Variants in CEMIP observed in about 807,000 individuals in gnomAD.
The protein encoded by CEMIP is cell migration-inducing and hyaluronan-binding protein.
A neutral mutation model predicts 156.9 loss-of-function variants in CEMIP; 105 were observed. That is an observed-to-expected ratio of 0.67 (90% CI 0.57 to 0.79). CEMIP has a LOEUF of 0.79. Ranked by LOEUF, CEMIP falls within the 30% of genes least tolerant of loss-of-function variation. The probability of loss-of-function intolerance (pLI) is 0.00; values close to 1 mark genes in which losing one functional copy is unlikely to be tolerated. For synonymous variants in CEMIP, 676 were observed against 668.4 expected (o/e 1.01, Z -0.17); for missense variants, 1,457 against 1,769.4 (o/e 0.82, Z 3.17).
In CEMIP at chr15:80,936,716, A is replaced by T; in HGVS notation, c.3052A>T (p.Ile1018Phe). 1.2e-6 allele frequency: 2 copies of T among 1,614,206 alleles called. No homozygotes were observed. The highest frequency in any genetic ancestry group is 1.7e-6 in the Non-Finnish European group (2 of 1,180,044). ...AYKTSNLRMK[I>F]IKNDFPSHPL... is the part of the protein sequence containing the mutation. ...CAAGACCAGTAACCTGCGAATGAAG[A>T]TCATCAAGAATGACTTCCCCAGCCA... The change falls in exon 24 of 30, where the codon ATC (isoleucine) becomes TTC (phenylalanine). Residue 1018 changes from isoleucine to phenylalanine, a missense_variant. Ile to Phe is a conservative substitution (Grantham distance 21, BLOSUM62 0). Transcript: ENST00000394685.
rs1375467920 is a variant in CEMIP at position 80,888,903 on chromosome 15, T to C, written c.964+107T>C. The C allele has an allele frequency of 2.9e-6, 3 of 1,050,994 alleles. No individual in the cohort carries two copies. The East Asian group carries it at 7.1e-5, about 25-fold the overall frequency. The allele number at this position is 1,050,994 out of a possible 1,614,324, so 65.1% of individuals were successfully genotyped here. ...ATCTCTTATACCAGTAGGACCACTT[T>C]AATTTTTGCAGAATCAACTAAAAAT... On this transcript the variant is annotated intron_variant, in intron 9 of 29. Transcript: ENST00000394685.
At chr15:80,840,174 G>A (rs900640539) in intron 1 of CEMIP, among the ~76,000 whole-genome samples, 5 of 152,176 alleles carry the variant, frequency 3.3e-5, no homozygotes, top group Non-Finnish European at 7.3e-5. Flanking sequence ...AGAAGACCCC[G>A]GGGGATCAGT....
intron 1 of CEMIP, among the ~76,000 whole-genome samples, chr15:80,836,580 C>T (rs28693449): frequency 0.08 from 11,888 of 147,756 alleles, 1,256 homozygotes; most frequent in African/African-American, 0.25. Context: ...TTTGCCATAG[C>T]GTCCAATCCT....
At position 80,899,827 on chromosome 15, in the gene CEMIP, A is replaced by C. The variant is rs150128176; in HGVS notation, c.1411+3767A>C. ...ATGATTGTTAAACCCTTGGGTCTTC[A>C]CTGAATGACTATGTGTCACCCAGGG... On this transcript the variant is annotated intron_variant, in intron 12 of 29. Transcript: ENST00000394685. 1.2e-4 allele frequency among the ~76,000 whole-genome samples: 18 copies of C among 152,324 alleles called. No individual in the cohort carries two copies. The East Asian group carries it at 3.5e-3, about 29-fold the overall frequency.
At chr15:80,795,194 G>T (rs141469352) in intron 1 of CEMIP, among the ~76,000 whole-genome samples, 13 of 152,222 alleles carry the variant, frequency 8.5e-5, no homozygotes, top group African/African-American at 2.4e-4. Context: ...CATCCTGAAA[G>T]CAATGGGAAG....
Position 80,949,389 on chromosome 15 carries a change from T to G in CEMIP, c.*465T>G. On this transcript the variant is annotated 3_prime_UTR_variant, in exon 30 of 30. Transcript: ENST00000394685. ...AGAAAGAGCCTTGGCCTTAAGGAAA[T>G]CTTTACTCCTGTAAGCAAGAGCCAA... 1 of 255,512 alleles carries G rather than the reference T, an allele frequency of 3.9e-6. No individual in the cohort carries two copies. Among genetic ancestry groups the G allele is most frequent in the Non-Finnish European group, 7.8e-6 (1 of 128,646 alleles). 15.8% of individuals were successfully genotyped at this position (255,512 alleles called of 1,614,324 possible).
At chr15:80,866,786 T>TA (rs11403997) in intron 1 of CEMIP, among the ~76,000 whole-genome samples, 58,714 of 135,752 alleles carry the variant, frequency 0.43, 13,100 homozygotes, top group East Asian at 0.77. Flanking sequence ...AACTCTGTCT[T>TA]AAAAAAAAAA....
chr15:80,821,919 G>A (rs775248641), intron 1 of CEMIP, among the ~76,000 whole-genome samples: 15 of 152,242 alleles, frequency 9.9e-5, no homozygotes, highest in Non-Finnish European at 1.6e-4. Context: ...TCTAGAGGCC[G>A]CCATGTTGGA....
intron 1 of CEMIP, among the ~76,000 whole-genome samples, chr15:80,811,729 T>C (rs1027207748): frequency 3.3e-5 from 5 of 152,188 alleles, no homozygotes; most frequent in African/African-American, 7.2e-5. Context: ...TAATGTTTTC[T>C]ATGTCTTCGT....
chr15:80,838,209 G>A (rs373606276), intron 1 of CEMIP, among the ~76,000 whole-genome samples: 226 of 152,282 alleles, frequency 1.5e-3, no homozygotes, highest in African/African-American at 5.1e-3. Flanking sequence ...GGGTGGGGAC[G>A]AGTCATTCAT....
At chr15:80,842,803 T>C (rs1897458488) in intron 1 of CEMIP, among the ~76,000 whole-genome samples, 1 of 151,806 alleles carries the variant, frequency 6.6e-6, no homozygotes, top group Non-Finnish European at 1.5e-5. Flanking sequence ...TGGGAGATCT[T>C]AGAGAGAGGC....
chr15:80,906,728 C>G lies in CEMIP; in HGVS notation c.1477C>G (p.Leu493Val). Residue 493 changes from leucine to valine, a missense_variant, in exon 13 of 30, where the codon CTT becomes GTT. Physicochemically the swap from Leu to Val is conservative, Grantham distance 32. Around this residue, in one of 5 missense-constraint regions of CEMIP, gnomAD observed 280 missense variants for 300.3 expected, o/e 0.93. Coordinates refer to ENST00000394685, the MANE Select transcript of CEMIP (RefSeq NM_001293298.2). The surrounding 1 kb of genome is among the most constrained non-coding windows in gnomAD (Gnocchi z 4.3). ...DGVDMRAEVG[L>V]LSRNIIVMGE... ...CGTGGACATGCGGGCGGAGGTTGGG[C>G]TTCTGAGCCGGAACATCATAGTGAT... 6.2e-7 allele frequency: 1 copy of G among 1,614,178 alleles called. No homozygotes were observed. The highest frequency in any genetic ancestry group is 8.5e-7 in the Non-Finnish European group (1 of 1,180,026).
chr15:80,919,585 G>C (rs182290867), intron 14 of CEMIP, among the ~76,000 whole-genome samples: 1 of 152,138 alleles, frequency 6.6e-6, no homozygotes, highest in South Asian at 2.1e-4. Context: ...AGCCCAAGGC[G>C]GGCGGATCAT....
intron 10 of CEMIP, among the ~76,000 whole-genome samples, chr15:80,894,345 C>T (rs748136540): frequency 3.9e-5 from 6 of 152,204 alleles, no homozygotes; most frequent in Non-Finnish European, 7.3e-5. Flanking sequence ...GTAACTGAAC[C>T]TCTCTGAGGA....
intron 1 of CEMIP, among the ~76,000 whole-genome samples, chr15:80,858,585 T>C (rs12913146): frequency 0.73 from 109,806 of 150,760 alleles, 40,290 homozygotes; most frequent in African/African-American, 0.78. Context: ...ATTAGCTGGG[T>C]GTGGTGGCAC....
intron 12 of CEMIP, chr15:80,897,212 G>A (rs1899263094): frequency 2.2e-6 from 1 of 454,570 alleles, no homozygotes; most frequent in Non-Finnish European, 4.4e-6. Context: ...ATGGGGTTGG[G>A]AGAAAGACCA....
At chr15:80,805,288 A>G (rs1002101382) in intron 1 of CEMIP, among the ~76,000 whole-genome samples, 2 of 152,224 alleles carry the variant, frequency 1.3e-5, no homozygotes, top group African/African-American at 4.8e-5. Context: ...AATACACAGA[A>G]GAAGATGATT....
intron 12 of CEMIP, among the ~76,000 whole-genome samples, chr15:80,905,933 G>A (rs1249123513): frequency 1.3e-5 from 2 of 152,148 alleles, no homozygotes; most frequent in African/African-American, 4.8e-5. Flanking sequence ...GCTCCACGTG[G>A]TACCATGGAG....
At chr15:80,848,736 C>A (rs925814330) in intron 1 of CEMIP, among the ~76,000 whole-genome samples, 2 of 152,070 alleles carry the variant, frequency 1.3e-5, no homozygotes, top group African/African-American at 4.8e-5. Flanking sequence ...ACCAGTTTCC[C>A]CAGCTTCTGA....
Sources: gnomAD v4.1 joint callset for allele counts (sites outside exome capture counted in the v4.1 genomes callset) on GRCh38, gnomAD v4.1.1 for gene constraint, gnomAD v4.1.1 regional missense constraint, Gnocchi (gnomAD v3.1) non-coding constraint, MANE v1.5 for transcripts, NCBI Gene and HGNC (gene_info 2026-07-23, HGNC 2026-07-21) for gene names.